DHRS7B: variants seen among roughly 807,000 people sequenced by gnomAD.
The protein encoded by DHRS7B is dehydrogenase/reductase 7B.
In DHRS7B, 24 loss-of-function variants were observed where a neutral mutation model predicts 26.4. The ratio of observed to expected loss-of-function variants is 0.91; its 90% CI spans 0.66 to 1.28. The LOEUF (loss-of-function observed/expected upper bound fraction) is 1.28. DHRS7B is among the 50% of genes most tolerant of loss of function. The pLI is 0.00. For missense variants in DHRS7B, 368 were observed against 419.4 expected, an observed-to-expected ratio of 0.88 and a Z score of 1.07; for synonymous variants, 142 against 166.4, an observed-to-expected ratio of 0.85 and a Z score of 1.13.
chr17:21,176,852 A>G (rs1974390060), intron 2 of DHRS7B, among the ~76,000 whole-genome samples: 1 of 152,160 alleles, frequency 6.6e-6, no homozygotes, highest in Non-Finnish European at 1.5e-5. Context: ...GTCTAGCTCA[A>G]GTCCACTCTC....
intron 6 of DHRS7B, among the ~76,000 whole-genome samples, chr17:21,190,493 C>T (rs1974751632): frequency 6.6e-6 from 1 of 152,126 alleles, no homozygotes; most frequent in Non-Finnish European, 1.5e-5. Context: ...AGCCAAGCTA[C>T]CCAAGATAAA....
In DHRS7B at chr17:21,191,172, C is replaced by A. The variant is rs776747278; in HGVS notation, c.*19C>A. Reference sequence around the variant, plus strand: ...CTCCTAGTACTCTGACCAGCCAGGGCCAGGGCAGAGAAGCAGCACTCTTAG... The same window carrying A: ...CTCCTAGTACTCTGACCAGCCAGGGACAGGGCAGAGAAGCAGCACTCTTAG... On this transcript the variant is annotated 3_prime_UTR_variant, in exon 7 of 7. Transcript: ENST00000395511. 6.2e-7 allele frequency: 1 copy of A among 1,610,748 alleles called. No homozygotes were observed. Among genetic ancestry groups the A allele is most frequent in the Non-Finnish European group, 8.5e-7 (1 of 1,178,320 alleles).
rs747137702 is a variant in DHRS7B, at chr17:21,191,166, C to A, written c.*13C>A. 5.6e-6 allele frequency: 9 copies of A among 1,611,850 alleles called. No individual in the cohort carries two copies. The highest frequency in any genetic ancestry group is 6.8e-6 in the Non-Finnish European group (8 of 1,179,278). On this transcript the variant is annotated 3_prime_UTR_variant, in exon 7 of 7. Coordinates refer to ENST00000395511, the MANE Select transcript of DHRS7B (RefSeq NM_015510.5). Reference sequence around the variant, plus strand: ...CAAGAACTCCTAGTACTCTGACCAGCCAGGGCCAGGGCAGAGAAGCAGCAC... The same window carrying A: ...CAAGAACTCCTAGTACTCTGACCAGACAGGGCCAGGGCAGAGAAGCAGCAC...
At chr17:21,147,357 G>T (rs1184735563) in intron 1 of DHRS7B, among the ~76,000 whole-genome samples, 1 of 152,124 alleles carries the variant, frequency 6.6e-6, no homozygotes, top group Non-Finnish European at 1.5e-5. Flanking sequence ...AAAGAGTGGA[G>T]AAATAAGAAT....
At chr17:21,186,298 C>A (rs1302385669) in intron 5 of DHRS7B, among the ~76,000 whole-genome samples, 1 of 152,232 alleles carries the variant, frequency 6.6e-6, no homozygotes, top group African/African-American at 2.4e-5. Context: ...AGTGATGTGG[C>A]CAGCGGCGAG....
At chr17:21,166,060 C>T in intron 1 of DHRS7B, 2 of 737,932 alleles carry the variant, frequency 2.7e-6, no homozygotes, top group South Asian at 6.1e-5. Flanking sequence ...GCCTCCTGTT[C>T]ATTGTCACCG....
chr17:21,128,328 G>C (rs1302464400), intron 1 of DHRS7B: 1 of 152,042 alleles, frequency 6.6e-6, no homozygotes, highest in African/African-American at 2.4e-5. Context: ...TTAGGAGGCT[G>C]AGGCGGGCGG....
chr17:21,130,386 C>T (rs527519899), intron 1 of DHRS7B, among the ~76,000 whole-genome samples: 2 of 152,020 alleles, frequency 1.3e-5, no homozygotes, highest in East Asian at 3.9e-4. Flanking sequence ...GAGACTCCAC[C>T]TCAAAAAATA....
chr17:21,164,633 C>T (rs1974072431), intron 1 of DHRS7B, among the ~76,000 whole-genome samples: 1 of 152,192 alleles, frequency 6.6e-6, no homozygotes, highest in Admixed American at 6.5e-5. Flanking sequence ...TTTGGACAGC[C>T]CACTACTCTG....
intron 1 of DHRS7B, among the ~76,000 whole-genome samples, chr17:21,160,082 G>A (rs1367497889): frequency 1.3e-5 from 2 of 151,950 alleles, no homozygotes; most frequent in African/African-American, 2.4e-5. Flanking sequence ...TAGGCCTGGC[G>A]TGGTGGCTCA....
chr17:21,138,099 T>TACACAC lies in DHRS7B; in HGVS notation c.20+11109_20+11110insCACACA, dbSNP rs1449609485. Among the ~76,000 whole-genome samples the TACACAC allele has an allele frequency of 3.4e-3, 297 of 87,660 alleles. 2 individuals carry two copies. The highest frequency in any genetic ancestry group is 9.6e-3 in the South Asian group (21 of 2,190). 57.5% of individuals were successfully genotyped at this position (87,660 alleles called of 152,430 possible). ...AAATATATATATATATATATATATATATACACACACACACACACACACACA... is the reference window on the plus strand; with the variant it reads ...AAATATATATATATATATATATATATACACACATACACACACACACACACACACACA... On this transcript the variant is annotated intron_variant, in intron 1 of 6. Transcript: ENST00000395511.
In DHRS7B at chr17:21,160,141, G is replaced by A. The variant is rs537605740; in HGVS notation, c.21-11877G>A. Among the ~76,000 whole-genome samples the A allele has an allele frequency of 3.9e-4, 59 of 152,154 alleles. 1 individual carries two copies. Among genetic ancestry groups the A allele is most frequent in the African/African-American group, 1.4e-3 (59 of 41,526 alleles). The stretch of plus-strand genomic sequence containing the variant: ...GAGGCCGAGGTGGGTAGATCACAAT[G>A]TCATGAGTTCGAGACCAGCTGGGCC... On this transcript the variant is annotated intron_variant, in intron 1 of 6. Coordinates refer to ENST00000395511, the MANE Select transcript of DHRS7B (RefSeq NM_015510.5).
At chr17:21,165,351 C>CT (rs1408997052) in intron 1 of DHRS7B, among the ~76,000 whole-genome samples, 7 of 150,580 alleles carry the variant, frequency 4.6e-5, no homozygotes, top group South Asian at 4.2e-4. Context: ...CTTTTTTTTT[C>CT]TTTTTTTTGG....
At chr17:21,129,566 G>A (rs1459220646) in intron 1 of DHRS7B, among the ~76,000 whole-genome samples, 1 of 151,726 alleles carries the variant, frequency 6.6e-6, no homozygotes, top group Non-Finnish European at 1.5e-5. Flanking sequence ...TTATCTAGGC[G>A]TGCTGGTGTG....
intron 1 of DHRS7B, among the ~76,000 whole-genome samples, chr17:21,170,351 A>G (rs938921814): frequency 1.3e-5 from 2 of 152,214 alleles, no homozygotes; most frequent in Non-Finnish European, 1.5e-5. Context: ...GGGACCCAGC[A>G]TAGCCTGCAG....
intron 1 of DHRS7B, among the ~76,000 whole-genome samples, chr17:21,153,136 G>A (rs781570611): frequency 1.3e-5 from 2 of 152,154 alleles, no homozygotes; most frequent in African/African-American, 2.4e-5. Context: ...AATATGCTAA[G>A]GACTTTAATG....
intron 1 of DHRS7B, among the ~76,000 whole-genome samples, chr17:21,145,602 A>G (rs2143958496): frequency 6.6e-6 from 1 of 152,354 alleles, no homozygotes; most frequent in Non-Finnish European, 1.5e-5. Context: ...CCAACTTATG[A>G]TGGTTCTACT....
At chr17:21,144,848 A>G (rs1973607213) in intron 1 of DHRS7B, among the ~76,000 whole-genome samples, 4 of 151,986 alleles carry the variant, frequency 2.6e-5, no homozygotes, top group South Asian at 4.1e-4. Context: ...ATATTTTCCA[A>G]TAAAAGTAGG....
rs71357469 is a variant in DHRS7B at position 21,141,619 on chromosome 17, C to CAAAAAAAAAA, written c.20+14640_20+14649dup. Among the ~76,000 whole-genome samples, 36 of 14,354 alleles carry CAAAAAAAAAA rather than the reference C, an allele frequency of 2.5e-3. 4 individuals are homozygous for CAAAAAAAAAA. Among genetic ancestry groups the CAAAAAAAAAA allele is most frequent in the East Asian group, 5.3e-3 (3 of 562 alleles). The allele number at this position is 14,354 out of a possible 152,430, so 9.4% of individuals were successfully genotyped here. A position where few individuals can be genotyped will look rare whatever the true frequency, so the allele number is the denominator to read the frequency against. On this transcript the variant is annotated intron_variant, in intron 1 of 6. Transcript: ENST00000395511. The stretch of plus-strand genomic sequence containing the variant: ...AGACTGGTTTCTACCAGCAAGAAAG[C>CAAAAAAAAAA]AAAAAAAAAAAAAAAAAAAAACAAC...
Sources: allele counts gnomAD v4.1 joint callset (sites outside exome capture counted in the v4.1 genomes callset), GRCh38; gene constraint gnomAD v4.1.1; transcripts MANE v1.5; gene names NCBI Gene and HGNC (gene_info 2026-07-23, HGNC 2026-07-21).